LRRC25: variants seen among roughly 807,000 people sequenced by gnomAD.
LRRC25 encodes leucine-rich repeat-containing protein 25.
In LRRC25, 5 loss-of-function variants were observed where a neutral mutation model predicts 18.8. The observed-to-expected ratio is 0.27, with a 90% CI of 0.14 to 0.56. LRRC25 has a LOEUF of 0.56. LRRC25 is among the 20% of genes least tolerant of loss of function. The probability of loss-of-function intolerance (pLI) is 0.93; values close to 1 mark genes in which losing one functional copy is unlikely to be tolerated. For synonymous variants in LRRC25, 161 were observed against 176.8 expected (o/e 0.91, Z 0.71); for missense variants, 341 against 389.8 (o/e 0.87, Z 1.05).
In LRRC25 at chr19:18,396,553, C is replaced by T. The variant is rs2144624851; in HGVS notation, c.411G>A (p.Leu137=). ...GGGAGCTGGTTGTGTCCCAGCAGAG[C>T]AGAGGCTTCTGGCCAGAGCAGTTGT... ...RRDNCSGQKP[L]LCWDTTSSQH... Residue 137 remains leucine (L), a synonymous_variant, in exon 1 of 2, where the codon CTG becomes CTA. Transcript: ENST00000339007. 1.2e-6 allele frequency: 2 copies of T among 1,613,758 alleles called. No homozygotes were observed. Among genetic ancestry groups the T allele is most frequent in the South Asian group, 2.2e-5 (2 of 91,060 alleles).
Position 18,397,544 on chromosome 19 carries a change from GCCGCAGCGGCCACGGCCAGCACCGT to G in LRRC25, c.-606_-582del, listed in dbSNP as rs1313474964. 1 of 155,446 alleles carries G rather than the reference GCCGCAGCGGCCACGGCCAGCACCGT, an allele frequency of 6.4e-6. No individual in the cohort carries two copies. Among genetic ancestry groups the G allele is most frequent in the Non-Finnish European group, 1.4e-5 (1 of 69,736 alleles). The allele number at this position is 155,446 out of a possible 1,614,324, so 9.6% of individuals were successfully genotyped here. A position where few individuals can be genotyped will look rare whatever the true frequency, so the allele number is the denominator to read the frequency against. On this transcript the variant is annotated 5_prime_UTR_variant, in exon 1 of 2. Coordinates refer to ENST00000339007, the MANE Select transcript of LRRC25 (RefSeq NM_145256.3). ...CGTCCTGGCCCACCTGGACACGGGG[GCCGCAGCGGCCACGGCCAGCACCGT>G]CCGCAGCGCTGCTGGGGTCGCTGGC...
In LRRC25 at chr19:18,396,907, G is replaced by T. The variant is rs1388829080; in HGVS notation, c.57C>A (p.Asp19Glu). 6.2e-7 allele frequency: 1 copy of T among 1,612,498 alleles called. No individual in the cohort carries two copies. Among genetic ancestry groups the T allele is most frequent in the African/African-American group, 1.3e-5 (1 of 75,038 alleles). The change falls in exon 1 of 2, where the codon GAC becomes GAA. Residue 19 changes from aspartate (D) to glutamate (E), a missense_variant. Asp to Glu is a conservative substitution (Grantham distance 45). Coordinates refer to ENST00000339007, the MANE Select transcript of LRRC25 (RefSeq NM_145256.3). ...ACACGGTGCACGACGGTTCTAGGCT[G>T]TCTGACTCCCGCAGCAGCAGCGGCA... ...LLLPLLLRES[D>E]SLEPSCTVSS...
chr19:18,397,173 C>G lies in LRRC25; in HGVS notation c.-210G>C. 1.7e-6 allele frequency: 1 copy of G among 601,194 alleles called. No individual in the cohort carries two copies. Among genetic ancestry groups the G allele is most frequent in the Non-Finnish European group, 2.9e-6 (1 of 341,950 alleles). 37.2% of individuals were successfully genotyped at this position (601,194 alleles called of 1,614,324 possible). A position where few individuals can be genotyped will look rare whatever the true frequency, so the allele number is the denominator to read the frequency against. ...GGGGAATGGGTAGATAACCCCAGTG[C>G]TTAGCGGGCTTGGAAGGCGAGGAGG... On this transcript the variant is annotated 5_prime_UTR_variant, in exon 1 of 2. Coordinates refer to ENST00000339007, the MANE Select transcript of LRRC25 (RefSeq NM_145256.3).
rs771799104 is a variant in LRRC25, at chr19:18,392,014, T to G, written c.891A>C (p.Glu297Asp). Reference protein sequence around the residue: ...LQSLGQAPMDEEEYVIPGH With the variant: ...LQSLGQAPMDDEEYVIPGH ...AGTGCCCGGGGATCACGTACTCCTCTTCATCCATTGGGGCCTGGCCCAGTG... is the reference window on the plus strand; with the variant it reads ...AGTGCCCGGGGATCACGTACTCCTCGTCATCCATTGGGGCCTGGCCCAGTG... The change falls in exon 2 of 2, where the codon GAA becomes GAC. Residue 297 changes from glutamate (E) to aspartate (D), a missense_variant. By Grantham distance (45) the Glu-to-Asp change is conservative. Transcript: ENST00000339007. 1.2e-6 allele frequency: 2 copies of G among 1,614,096 alleles called. No individual in the cohort carries two copies. Among genetic ancestry groups the G allele is most frequent in the Non-Finnish European group, 1.7e-6 (2 of 1,179,980 alleles).
In LRRC25 at chr19:18,391,539, A is replaced by AAAAC. The variant is rs374032828; in HGVS notation, c.*444_*447dup. 9 of 158,672 alleles carry AAAAC rather than the reference A, an allele frequency of 5.7e-5. No homozygotes were observed. Among genetic ancestry groups the AAAAC allele is most frequent in the Non-Finnish European group, 1.3e-4 (9 of 71,202 alleles). The allele number at this position is 158,672 out of a possible 1,614,324, so 9.8% of individuals were successfully genotyped here. A position where few individuals can be genotyped will look rare whatever the true frequency, so the allele number is the denominator to read the frequency against. On this transcript the variant is annotated 3_prime_UTR_variant, in exon 2 of 2. Transcript: ENST00000339007. ...GGTGACAGAGTGACACTCAGTTTCA[A>AAAAC]AAACAAACAAACAAACAACAACAAC...
At chr19:18,392,299 C>A (rs1271127203) in intron 1 of LRRC25, among the ~76,000 whole-genome samples, 174 bp from the exon 2 acceptor site, 1 of 151,990 alleles carries the variant, frequency 6.6e-6, no homozygotes, top group Non-Finnish European at 1.5e-5. Context: ...CAAGACCAGC[C>A]TGGACAACAT....
At position 18,396,491 on chromosome 19, in the gene LRRC25, G is replaced by C; in HGVS notation, c.473C>G (p.Ala158Gly). 4 of 1,613,546 alleles carry C rather than the reference G, an allele frequency of 2.5e-6. No individual in the cohort carries two copies. Among genetic ancestry groups the C allele is most frequent in the Non-Finnish European group, 3.4e-6 (4 of 1,180,028 alleles). The change falls in exon 1 of 2, where the codon GCC becomes GGC. Residue 158 changes from alanine (A) to glycine (G), a missense_variant. By Grantham distance (60) the Ala-to-Gly change is moderately conservative. Coordinates refer to ENST00000339007, the MANE Select transcript of LRRC25 (RefSeq NM_145256.3). ...GATAGTTGCAGAGGCCAGGCCAGGGGCGCAGCTGACCTCCAGGAAGGCAGA... is the reference window on the plus strand; with the variant it reads ...GATAGTTGCAGAGGCCAGGCCAGGGCCGCAGCTGACCTCCAGGAAGGCAGA... ...NLSAFLEVSC[A>G]PGLASATIGA...
Position 18,397,076 on chromosome 19 carries a change from T to C in LRRC25, c.-113A>G. On this transcript the variant is annotated 5_prime_UTR_variant, in exon 1 of 2. Coordinates refer to ENST00000339007, the MANE Select transcript of LRRC25 (RefSeq NM_145256.3). Reference sequence around the variant, plus strand: ...ATAGCTCAGACCAGCTCAAGCCGCTTCTGAAATGGTAAAACGCAGCCCCAG... The same window carrying C: ...ATAGCTCAGACCAGCTCAAGCCGCTCCTGAAATGGTAAAACGCAGCCCCAG... 1 of 1,173,398 alleles carries C rather than the reference T, an allele frequency of 8.5e-7. No homozygotes were observed. Among genetic ancestry groups the C allele is most frequent in the African/African-American group, 1.5e-5 (1 of 64,950 alleles). The allele number at this position is 1,173,398 out of a possible 1,614,324, so 72.7% of individuals were successfully genotyped here.
chr19:18,396,098 C>A (rs538642331), intron 1 of LRRC25, 87 bp downstream of exon 1: 2 of 1,472,082 alleles, frequency 1.4e-6, no homozygotes, highest in Non-Finnish European at 9.2e-7. Context: ...AGCCTTCAAG[C>A]GGCAGAGCTG....
Position 18,396,751 on chromosome 19 carries a change from G to T in LRRC25, c.213C>A (p.Asn71Lys). The change falls in exon 1 of 2, where the codon AAC (asparagine) becomes AAA (lysine). Residue 71 changes from asparagine to lysine, a missense_variant. Physicochemically the swap from Asn to Lys is moderately conservative, Grantham distance 94. Transcript: ENST00000339007. The stretch of plus-strand genomic sequence containing the variant: ...AGGTCACTGGAAGCTCTCGCAGGCC[G>T]TTCCCAGACAGGTCAAGGAGAATCA... The part of the protein sequence containing the change: ...SNVILLDLSG[N>K]GLRELPVTFF... 6.2e-7 allele frequency: 1 copy of T among 1,614,146 alleles called. No individual in the cohort carries two copies.
chr19:18,391,989 A>G lies in LRRC25; in HGVS notation c.916T>C (p.Ter306ArgextTer2). 6.2e-7 allele frequency: 1 copy of G among 1,613,616 alleles called. No homozygotes were observed. The highest frequency in any genetic ancestry group is 8.5e-7 in the Non-Finnish European group (1 of 1,179,664). Residue 306 changes from the stop codon to arginine, a stop_lost, in exon 2 of 2, where the codon TGA becomes CGA. Coordinates refer to ENST00000339007, the MANE Select transcript of LRRC25 (RefSeq NM_145256.3). ...GTGGAGGTTAGGACATCTTAGGCTC[A>G]GTGCCCGGGGATCACGTACTCCTCT... ...DEEEYVIPGH* is the reference protein window; with the variant it reads ...DEEEYVIPGHR
chr19:18,393,605 AG>A (rs747754171), intron 1 of LRRC25, among the ~76,000 whole-genome samples: 1 of 143,294 alleles, frequency 7.0e-6, no homozygotes, highest in Non-Finnish European at 1.6e-5. Flanking sequence ...TGGGCGACAG[AG>A]CGGGAAAAAA....
chr19:18,395,131 G>A (rs957872093), intron 1 of LRRC25, among the ~76,000 whole-genome samples: 3 of 152,124 alleles, frequency 2.0e-5, no homozygotes, highest in African/African-American at 7.2e-5. Flanking sequence ...CAGCACTTAA[G>A]GAGGCTGAGG....
In LRRC25 at chr19:18,396,479, G is replaced by C; in HGVS notation, c.485C>G (p.Ala162Gly). The C allele has an allele frequency of 3.7e-6, 6 of 1,613,534 alleles. No homozygotes were observed. The highest frequency in any genetic ancestry group is 5.1e-6 in the Non-Finnish European group (6 of 1,180,034). The change falls in exon 1 of 2, where the codon GCC becomes GGC. Residue 162 changes from alanine (A) to glycine (G), a missense_variant. Ala to Gly is a moderately conservative substitution (Grantham distance 60). Transcript: ENST00000339007. ...FLEVSCAPGL[A>G]SATIGAVVVS... ...CACCACTGCCCCGATAGTTGCAGAG[G>C]CCAGGCCAGGGGCGCAGCTGACCTC...
Position 18,397,222 on chromosome 19 carries a change from C to T in LRRC25, c.-259G>A, listed in dbSNP as rs999252415. The T allele has an allele frequency of 5.5e-6, 3 of 541,034 alleles. No homozygotes were observed. Among genetic ancestry groups the T allele is most frequent in the African/African-American group, 1.9e-5 (1 of 53,044 alleles). The allele number at this position is 541,034 out of a possible 1,614,324, so 33.5% of individuals were successfully genotyped here. On this transcript the variant is annotated 5_prime_UTR_variant, in exon 1 of 2. Coordinates refer to ENST00000339007, the MANE Select transcript of LRRC25 (RefSeq NM_145256.3). Reference sequence around the variant, plus strand: ...GGAGATCCGGGCCAGTTAACCCCTTCTTCTATGTCCTGAACATTTGGGGCG... The same window carrying T: ...GGAGATCCGGGCCAGTTAACCCCTTTTTCTATGTCCTGAACATTTGGGGCG...
chr19:18,392,617 G>A (rs960520129), intron 1 of LRRC25, among the ~76,000 whole-genome samples: 13 of 152,176 alleles, frequency 8.5e-5, no homozygotes, highest in East Asian at 1.9e-4. Context: ...AGGAGGCTGC[G>A]GGAGGGCAGT....
In LRRC25 at chr19:18,391,591, G is replaced by A. The variant is rs1971899780; in HGVS notation, c.*396C>T. On this transcript the variant is annotated 3_prime_UTR_variant, in exon 2 of 2. Coordinates refer to ENST00000339007, the MANE Select transcript of LRRC25 (RefSeq NM_145256.3). ...AAAAAAAACAGGGATGGGAGGTGGG[G>A]AGCAATTTGGGAGTCTCAGATGGAG... 6.1e-6 allele frequency: 1 copy of A among 163,830 alleles called. No homozygotes were observed. Among genetic ancestry groups the A allele is most frequent in the Non-Finnish European group, 1.3e-5 (1 of 74,236 alleles). The allele number at this position is 163,830 out of a possible 1,614,324, so 10.1% of individuals were successfully genotyped here.
In LRRC25 at chr19:18,397,227, A is replaced by G. The variant is rs1971983249; in HGVS notation, c.-264T>C. 1.9e-6 allele frequency: 1 copy of G among 533,818 alleles called. No individual in the cohort carries two copies. The highest frequency in any genetic ancestry group is 3.4e-6 in the Non-Finnish European group (1 of 297,254). The allele number at this position is 533,818 out of a possible 1,614,324, so 33.1% of individuals were successfully genotyped here. A position where few individuals can be genotyped will look rare whatever the true frequency, so the allele number is the denominator to read the frequency against. Reference sequence around the variant, plus strand: ...TCCGGGCCAGTTAACCCCTTCTTCTATGTCCTGAACATTTGGGGCGCCCTC... The same window carrying G: ...TCCGGGCCAGTTAACCCCTTCTTCTGTGTCCTGAACATTTGGGGCGCCCTC... On this transcript the variant is annotated 5_prime_UTR_variant, in exon 1 of 2. It removes the in-frame stop codon of an upstream open reading frame in the 5' UTR. Coordinates refer to ENST00000339007, the MANE Select transcript of LRRC25 (RefSeq NM_145256.3).
In LRRC25 at chr19:18,396,269, G is replaced by A. The variant is rs1249727951; in HGVS notation, c.695C>T (p.Ala232Val). 1.2e-6 allele frequency: 2 copies of A among 1,613,598 alleles called. No individual in the cohort carries two copies. Among genetic ancestry groups the A allele is most frequent in the African/African-American group, 2.7e-5 (2 of 75,064 alleles). ...GGGAGTGGAGGGGCAGGATGGCACG[G>A]CCACTTGGGGCTTGGGGGCGCTCCG... ...GSRSAPKPQV[A>V]VPSCPSTPDY... Residue 232 changes from alanine (A) to valine (V), a missense_variant, in exon 1 of 2, where the codon GCC becomes GTC. Transcript: ENST00000339007.
Sources: allele counts gnomAD v4.1 joint callset (sites outside exome capture counted in the v4.1 genomes callset), GRCh38; gene constraint gnomAD v4.1.1; transcripts MANE v1.5; gene names NCBI Gene and HGNC (gene_info 2026-07-23, HGNC 2026-07-21).